The following SCAF8 variants were observed in gnomAD, a reference collection of about 807,000 sequenced individuals.
SCAF8 encodes SR-related and CTD-associated factor 8.
In SCAF8, 23 loss-of-function variants were observed where a neutral mutation model predicts 140.5. The ratio of observed to expected loss-of-function variants is 0.16; its 90% confidence interval spans 0.12 to 0.23. The LOEUF (loss-of-function observed/expected upper bound fraction) is 0.23. SCAF8 is among the 10% of genes least tolerant of loss of function. The pLI is 1.00. For missense variants in SCAF8, 1,397 were observed against 1,555.7 expected (o/e 0.90, Z 1.72); for synonymous variants, 575 against 528.9 (o/e 1.09, Z -1.20).
intron 10 of SCAF8, 66 bp downstream of exon 10, chr6:154,808,267 T>C: frequency 2.1e-6 from 3 of 1,446,702 alleles, no homozygotes; most frequent in Admixed American, 1.7e-5. Context: ...TAAAATATTT[T>C]ATACTAGCAG....
At chr6:154,789,629 T>C (rs1777354748) in intron 4 of SCAF8, among the ~76,000 whole-genome samples, 1 of 149,560 alleles carries the variant, frequency 6.7e-6, no homozygotes, top group African/African-American at 2.5e-5. Flanking sequence ...CTCTGCAAAC[T>C]CTGCCTCCCA....
At chr6:154,741,103 T>C (rs550721339) in intron 1 of SCAF8, among the ~76,000 whole-genome samples, 10 of 152,310 alleles carry the variant, frequency 6.6e-5, no homozygotes, top group African/African-American at 2.4e-4. Context: ...CTAGTAATTA[T>C]GTTATTTTCA....
At chr6:154,738,949 TCTTTC>T (rs918454542) in intron 1 of SCAF8, among the ~76,000 whole-genome samples, 47 of 152,298 alleles carry the variant, frequency 3.1e-4, no homozygotes, top group African/African-American at 1.1e-3. Flanking sequence ...CATGACCCAT[TCTTTC>T]CTTTAGTTTG....
intron 2 of SCAF8, among the ~76,000 whole-genome samples, chr6:154,775,283 GA>G (rs998048749): frequency 6.6e-6 from 1 of 152,146 alleles, no homozygotes; most frequent in African/African-American, 2.4e-5. Flanking sequence ...TTGAAGCCAG[GA>G]AATGTTTCAA....
intron 12 of SCAF8, among the ~76,000 whole-genome samples, chr6:154,814,210 A>G (rs1413356872): frequency 1.3e-5 from 2 of 152,202 alleles, no homozygotes; most frequent in Admixed American, 6.5e-5. Flanking sequence ...CTGTAGTCCC[A>G]GTTACTCGCG....
In SCAF8 at chr6:154,802,021, T is replaced by C; in HGVS notation, c.657T>C (p.Pro219=). 6.2e-7 allele frequency: 1 copy of C among 1,610,898 alleles called. No individual in the cohort carries two copies. The highest frequency in any genetic ancestry group is 1.7e-4 in the Middle Eastern group (1 of 6,052). The change falls in exon 7 of 20, where the codon CCT becomes CCC. Residue 219 remains proline, a synonymous_variant. Coordinates refer to ENST00000367178, the MANE Select transcript of SCAF8 (RefSeq NM_014892.5). ...AGATACAACAACAGAAGCCCCAGCC[T>C]TCCATTCTGCAGGCCCTAGATGCTG... ...TLQIQQQKPQ[P]SILQALDAGL... is the part of the protein sequence containing the mutation.
At chr6:154,749,582 G>T (rs1156347998) in intron 1 of SCAF8, among the ~76,000 whole-genome samples, 1 of 152,180 alleles carries the variant, frequency 6.6e-6, no homozygotes, top group African/African-American at 2.4e-5. Context: ...TGTATAGTTT[G>T]TGTACACTGT....
intron 1 of SCAF8, among the ~76,000 whole-genome samples, chr6:154,750,770 A>G (rs1778817622): frequency 6.6e-6 from 1 of 152,338 alleles, no homozygotes; most frequent in South Asian, 2.1e-4. Context: ...GGAATTGTGC[A>G]TTTAAAGACT....
At chr6:154,810,853 A>G (rs1778069444) in intron 12 of SCAF8, among the ~76,000 whole-genome samples, 1 of 152,196 alleles carries the variant, frequency 6.6e-6, no homozygotes, top group South Asian at 2.1e-4. Context: ...AAGAGTTTAC[A>G]TATGGGCAAA....
chr6:154,734,468 T>C (rs975785494), intron 1 of SCAF8, among the ~76,000 whole-genome samples: 1 of 152,194 alleles, frequency 6.6e-6, no homozygotes, highest in African/African-American at 2.4e-5. Context: ...AGCTAGGGAC[T>C]TGAGCTAATT....
chr6:154,733,743 C>T lies in SCAF8; in HGVS notation c.-158C>T. The T allele has an allele frequency of 7.5e-7, 1 of 1,335,210 alleles. No individual in the cohort carries two copies. The allele number at this position is 1,335,210 out of a possible 1,614,324, so 82.7% of individuals were successfully genotyped here. A position where few individuals can be genotyped will look rare whatever the true frequency, so the allele number is the denominator to read the frequency against. On this transcript the variant is annotated 5_prime_UTR_variant, in exon 1 of 20. Coordinates refer to ENST00000367178, the MANE Select transcript of SCAF8 (RefSeq NM_014892.5). ...CGCTGAGGGAGCCCTTCCCCGCCAG[C>T]GCGTGCCCTTCCACTCCGCCCCGAG...
chr6:154,759,216 A>C (rs953236333), intron 1 of SCAF8, among the ~76,000 whole-genome samples: 1 of 152,172 alleles, frequency 6.6e-6, no homozygotes, highest in Non-Finnish European at 1.5e-5. Flanking sequence ...GGTTTACTCG[A>C]TCTTGGCTGG....
chr6:154,766,082 T>C (rs1776556573), intron 1 of SCAF8, among the ~76,000 whole-genome samples: 2 of 139,466 alleles, frequency 1.4e-5, no homozygotes, highest in Admixed American at 1.5e-4. Context: ...GAAAAGAAAA[T>C]GTTATTAAGA....
chr6:154,805,320 G>C, intron 8 of SCAF8, 49 bp from the exon 9 acceptor site: 1 of 1,044,778 alleles, frequency 9.6e-7, no homozygotes, highest in South Asian at 1.4e-5. Flanking sequence ...TATTTTCATA[G>C]TATCTTTAGT....
intron 1 of SCAF8, among the ~76,000 whole-genome samples, chr6:154,742,833 A>G (rs1015671952): frequency 3.3e-4 from 50 of 152,358 alleles, no homozygotes; most frequent in African/African-American, 1.2e-3. Flanking sequence ...TGTTTTTAAA[A>G]TAATTCTGCA....
At chr6:154,792,600 A>C (rs150515623) in intron 4 of SCAF8, among the ~76,000 whole-genome samples, 2 of 152,308 alleles carry the variant, frequency 1.3e-5, no homozygotes, top group African/African-American at 4.8e-5. Context: ...AGCTAAGTGG[A>C]GCTTTCATTT....
At chr6:154,759,962 C>G (rs1268528756) in intron 1 of SCAF8, among the ~76,000 whole-genome samples, 1 of 152,058 alleles carries the variant, frequency 6.6e-6, no homozygotes, top group Non-Finnish European at 1.5e-5. Context: ...AGCCACCGTG[C>G]CTGGCCATCA....
At chr6:154,734,573 G>T (rs1167648279) in intron 1 of SCAF8, among the ~76,000 whole-genome samples, 2 of 152,158 alleles carry the variant, frequency 1.3e-5, no homozygotes, top group African/African-American at 4.8e-5. Context: ...CAAATGGTAG[G>T]GAGAGATCTG....
In SCAF8 at chr6:154,810,177, A is replaced by T; in HGVS notation, c.1389A>T (p.Gly463=). The T allele has an allele frequency of 6.2e-7, 1 of 1,611,262 alleles. No homozygotes were observed. Among genetic ancestry groups the T allele is most frequent in the South Asian group, 1.1e-5 (1 of 90,874 alleles). Residue 463 remains glycine (G), a synonymous_variant, in exon 12 of 20, where the codon GGA becomes GGT. Transcript: ENST00000367178. Reference sequence around the variant, plus strand: ...GGGAGAAAGAACGACAGAAAAAGGGATTACCTCCAATTAGATCTAAAACAC... The same window carrying T: ...GGGAGAAAGAACGACAGAAAAAGGGTTTACCTCCAATTAGATCTAAAACAC... ...REREKERQKK[G]LPPIRSKTLS...
Sources: allele counts gnomAD v4.1 joint callset (sites outside exome capture counted in the v4.1 genomes callset), GRCh38; gene constraint gnomAD v4.1.1; transcripts MANE v1.5; gene names NCBI Gene and HGNC (gene_info 2026-07-23, HGNC 2026-07-21).